PEBP4: variants seen among roughly 807,000 people sequenced by gnomAD.
PEBP4 encodes the protein phosphatidylethanolamine-binding protein 4.
A neutral mutation model predicts 23.9 loss-of-function variants in PEBP4; 22 were observed. The ratio of observed to expected loss-of-function variants is 0.92; its 90% CI spans 0.66 to 1.31. PEBP4 has a LOEUF of 1.31. PEBP4 is among the 40% of genes most tolerant of loss of function. PEBP4 has a pLI of 0.00. For missense variants in PEBP4, 324 were observed against 281.7 expected, an observed-to-expected ratio of 1.15 and a Z score of -1.07; for synonymous variants, 112 against 99.3, an observed-to-expected ratio of 1.13 and a Z score of -0.76.
intron 4 of PEBP4, chr8:22,798,623 A>C (rs1323736525): frequency 6.6e-6 from 1 of 151,712 alleles, no homozygotes; most frequent in African/African-American, 2.4e-5. Flanking sequence ...ATGGCCTGGC[A>C]TCCCTCCTCT....
chr8:22,842,284 C>T (rs746644089), intron 3 of PEBP4, among the ~76,000 whole-genome samples: 3 of 152,088 alleles, frequency 2.0e-5, no homozygotes, highest in Admixed American at 1.3e-4. Flanking sequence ...TTGGGTAGAT[C>T]GTGACTTTTA....
At chr8:22,812,478 T>C (rs1010297937) in intron 4 of PEBP4, among the ~76,000 whole-genome samples, 1 of 152,190 alleles carries the variant, frequency 6.6e-6, no homozygotes, top group South Asian at 2.1e-4. Context: ...GCAAGCACTC[T>C]TTATGGCCCA....
chr8:22,781,467 A>T (rs1161601020), intron 4 of PEBP4, among the ~76,000 whole-genome samples: 2 of 151,832 alleles, frequency 1.3e-5, no homozygotes, highest in Non-Finnish European at 2.9e-5. Flanking sequence ...TTTTGGAAAC[A>T]ATTTTCTCAG....
intron 3 of PEBP4, among the ~76,000 whole-genome samples, chr8:22,851,448 GA>G (rs1362560246): frequency 1.3e-5 from 2 of 152,092 alleles, no homozygotes; most frequent in East Asian, 3.8e-4. Context: ...TGGGATTTTG[GA>G]ACTAGATGAT....
intron 3 of PEBP4, among the ~76,000 whole-genome samples, chr8:22,900,097 C>T (rs1808681998): frequency 6.6e-6 from 1 of 152,166 alleles, no homozygotes; most frequent in Admixed American, 6.5e-5. Flanking sequence ...AGGAGACCTA[C>T]AGCACCAAGC....
intron 4 of PEBP4, among the ~76,000 whole-genome samples, chr8:22,803,152 G>A (rs1452967582): frequency 6.6e-6 from 1 of 152,144 alleles, no homozygotes; most frequent in African/African-American, 2.4e-5. Context: ...GGTTAAGCTT[G>A]TTTATAAAGT....
chr8:22,895,804 T>TA (rs1179246623), intron 3 of PEBP4: 1 of 152,252 alleles, frequency 6.6e-6, no homozygotes, highest in African/African-American at 2.4e-5. Flanking sequence ...ATGTTACGTC[T>TA]AATTTGCTGA....
chr8:22,808,289 C>T (rs937726495), intron 4 of PEBP4, among the ~76,000 whole-genome samples: 4 of 152,210 alleles, frequency 2.6e-5, no homozygotes, highest in African/African-American at 9.6e-5. Flanking sequence ...CCACCAACCA[C>T]CCACCTATTC....
At chr8:22,825,627 A>G (rs893200486) in intron 3 of PEBP4, among the ~76,000 whole-genome samples, 3 of 152,156 alleles carry the variant, frequency 2.0e-5, no homozygotes, top group African/African-American at 7.2e-5. Context: ...CAGGTGATCT[A>G]CTTTCCCTCG....
chr8:22,878,427 G>A (rs757267914), intron 3 of PEBP4, among the ~76,000 whole-genome samples: 1 of 152,176 alleles, frequency 6.6e-6, no homozygotes. Context: ...GGCAGGACCC[G>A]GCCGTGTGGC....
intron 6 of PEBP4, among the ~76,000 whole-genome samples, chr8:22,718,681 G>C (rs1481481720): frequency 6.6e-6 from 1 of 152,100 alleles, no homozygotes; most frequent in Non-Finnish European, 1.5e-5. Flanking sequence ...GTGATCAGGG[G>C]CTGGGCCCTG....
intron 3 of PEBP4, chr8:22,884,480 G>C (rs1808331703): frequency 2.6e-5 from 4 of 152,210 alleles, no homozygotes; most frequent in Admixed American, 1.3e-4. Context: ...GGTTCACCTG[G>C]CTATTACAGA....
At chr8:22,825,419 G>C (rs185183688) in intron 3 of PEBP4, among the ~76,000 whole-genome samples, 33 of 152,344 alleles carry the variant, frequency 2.2e-4, no homozygotes, top group Admixed American at 3.9e-4. Flanking sequence ...CAAGGGAAGT[G>C]AATCTAGGGA....
intron 1 of PEBP4, among the ~76,000 whole-genome samples, chr8:22,933,523 C>T (rs1220051478): frequency 1.3e-5 from 2 of 152,134 alleles, no homozygotes; most frequent in African/African-American, 4.8e-5. Context: ...ATATAAAGTA[C>T]TGAAAGAAGA....
chr8:22,776,704 C>T (rs1805820902), intron 4 of PEBP4, among the ~76,000 whole-genome samples: 2 of 151,308 alleles, frequency 1.3e-5, no homozygotes, highest in Admixed American at 1.3e-4. Flanking sequence ...AAAACATAAT[C>T]ACTCGTTGAC....
intron 4 of PEBP4, among the ~76,000 whole-genome samples, chr8:22,770,753 C>T (rs980301634): frequency 6.6e-6 from 1 of 152,234 alleles, no homozygotes; most frequent in African/African-American, 2.4e-5. Context: ...GGCAGAGAAG[C>T]ATCATCTTCA....
At chr8:22,817,302 A>C (rs1806764945) in intron 4 of PEBP4, among the ~76,000 whole-genome samples, 1 of 152,252 alleles carries the variant, frequency 6.6e-6, no homozygotes, top group Non-Finnish European at 1.5e-5. Flanking sequence ...TTTCAGAAAC[A>C]GTGTGAGTCA....
At position 22,865,374 on chromosome 8, in the gene PEBP4, T is replaced by TGGCGGTGGCGGC. The variant is rs1039797046; in HGVS notation, c.259-47651_259-47640dup. Among the ~76,000 whole-genome samples, 2 of 150,192 alleles carry TGGCGGTGGCGGC rather than the reference T, an allele frequency of 1.3e-5. No individual in the cohort carries two copies. Among genetic ancestry groups the TGGCGGTGGCGGC allele is most frequent in the African/African-American group, 4.9e-5 (2 of 40,956 alleles). ...CACCCACGGGCGGTGACGGTGGCGG[T>TGGCGGTGGCGGC]GGCGGTGGCGGCGGCGGGACCCCGG... On this transcript the variant is annotated intron_variant, in intron 3 of 6. Transcript: ENST00000256404. The surrounding 1 kb of genome is among the most constrained non-coding windows in gnomAD (Gnocchi z 6.9).
In PEBP4 at chr8:22,727,168, T is replaced by C; in HGVS notation, c.403+7A>G. ...CTGGGGGAAGGGGTCCCTAGGGTCTTACTCACCTGATAACTCCTGGCCCTG... is the reference window on the plus strand; with the variant it reads ...CTGGGGGAAGGGGTCCCTAGGGTCTCACTCACCTGATAACTCCTGGCCCTG... On this transcript the variant is annotated splice_region_variant and intron_variant, in intron 5 of 6. Transcript: ENST00000256404. 6.2e-7 allele frequency: 1 copy of C among 1,613,950 alleles called. No individual in the cohort carries two copies. Among genetic ancestry groups the C allele is most frequent in the Non-Finnish European group, 8.5e-7 (1 of 1,179,952 alleles).
Sources: gnomAD v4.1 joint callset for allele counts (sites outside exome capture counted in the v4.1 genomes callset) on GRCh38, gnomAD v4.1.1 for gene constraint, Gnocchi (gnomAD v3.1) non-coding constraint, MANE v1.5 for transcripts, NCBI Gene and HGNC (gene_info 2026-07-23, HGNC 2026-07-21) for gene names.